Variants in GALNT9 observed in about 807,000 individuals in gnomAD.
The protein encoded by GALNT9 is GalNAc transferase 9.
GALNT9 carries 47 observed loss-of-function variants against 63.1 expected under a neutral mutation model. The ratio of observed to expected loss-of-function variants is 0.75; its 90% CI spans 0.59 to 0.95. The LOEUF (loss-of-function observed/expected upper bound fraction) is 0.95. Ranked by LOEUF, GALNT9 falls within the 40% of genes least tolerant of loss-of-function variation. The probability of loss-of-function intolerance (pLI) is 0.00; values close to 1 mark genes in which losing one functional copy is unlikely to be tolerated. For synonymous variants in GALNT9, 396 were observed against 365.7 expected, an observed-to-expected ratio of 1.08 and a Z score of -0.94; for missense variants, 829 against 874.8, an observed-to-expected ratio of 0.95 and a Z score of 0.66.
intron 1 of GALNT9, among the ~76,000 whole-genome samples, chr12:132,301,182 C>T (rs1881281226): frequency 6.6e-6 from 1 of 152,264 alleles, no homozygotes; most frequent in African/African-American, 2.4e-5. Context: ...AACTGCAAAG[C>T]TCTCAAAGAG....
At chr12:132,304,830 C>G (rs1388662658) in intron 1 of GALNT9, among the ~76,000 whole-genome samples, 32 of 45,320 alleles carry the variant, frequency 7.1e-4, no homozygotes, top group East Asian at 7.0e-3. Flanking sequence ...CCCGGGCACA[C>G]CCTCGCCCGG....
chr12:132,286,603 G>A lies in GALNT9; in HGVS notation c.239-173C>T. ...AGGACATTCCAGAAAGTGCAAGGCT[G>A]TGCGCGGAGTGAGAGGGCGGTGCCA... On this transcript the variant is annotated intron_variant, in intron 1 of 10. Coordinates refer to ENST00000328957, the MANE Select transcript of GALNT9 (RefSeq NM_001122636.2). This position sits in a 1 kb window ranked among gnomAD's most constrained non-coding sequence, Gnocchi z 7.4. The A allele has an allele frequency of 8.7e-7, 1 of 1,147,778 alleles. No homozygotes were observed. Among genetic ancestry groups the A allele is most frequent in the Non-Finnish European group, 1.2e-6 (1 of 842,558 alleles). 71.1% of individuals were successfully genotyped at this position (1,147,778 alleles called of 1,614,324 possible). A position where few individuals can be genotyped will look rare whatever the true frequency, so the allele number is the denominator to read the frequency against.
intron 1 of GALNT9, among the ~76,000 whole-genome samples, chr12:132,307,686 T>C (rs1327098912): frequency 2.4e-5 from 2 of 84,242 alleles, no homozygotes; most frequent in Non-Finnish European, 4.9e-5. Flanking sequence ...AAAAAAAAAA[T>C]AGTTGGGTGT....
intron 6 of GALNT9, among the ~76,000 whole-genome samples, chr12:132,222,801 A>G (rs1053842015): frequency 2.0e-5 from 3 of 150,482 alleles, no homozygotes; most frequent in African/African-American, 7.4e-5. Flanking sequence ...CTATGGACGC[A>G]CCCCCCGCCA....
chr12:132,257,611 C>T lies in GALNT9; in HGVS notation c.959+78G>A, dbSNP rs138851595. On this transcript the variant is annotated intron_variant, in intron 5 of 10. Coordinates refer to ENST00000328957, the MANE Select transcript of GALNT9 (RefSeq NM_001122636.2). ...TCGTCCCCGGCCCTCATCCCTGGCC[C>T]TCGTCCCCACGCCCGCCTCGCTCTG... is the stretch of plus-strand genomic sequence containing the variant. 563 of 1,177,462 alleles carry T rather than the reference C, an allele frequency of 4.8e-4. 5 individuals are homozygous for T. In the East Asian group the frequency reaches 0.014, roughly 29 times the overall value. The allele number at this position is 1,177,462 out of a possible 1,614,324, so 72.9% of individuals were successfully genotyped here. A position where few individuals can be genotyped will look rare whatever the true frequency, so the allele number is the denominator to read the frequency against.
At chr12:132,261,143 A>C (rs1555239757) in intron 3 of GALNT9, 21 bp from the exon 4 acceptor site, 1 of 1,548,020 alleles carries the variant, frequency 6.5e-7, no homozygotes, top group Non-Finnish European at 8.7e-7. Context: ...ACAAGACTTT[A>C]GCACGCTGGC....
At chr12:132,326,742 A>G (rs1469901718) in intron 1 of GALNT9, among the ~76,000 whole-genome samples, 5 of 152,174 alleles carry the variant, frequency 3.3e-5, no homozygotes, top group African/African-American at 9.7e-5. Context: ...CCAGGAATCA[A>G]TTTTGCATCC....
chr12:132,198,032 C>A, intron 9 of GALNT9, 73 bp from the exon 10 acceptor site: 7 of 1,303,066 alleles, frequency 5.4e-6, no homozygotes, highest in South Asian at 5.2e-5. Flanking sequence ...ACAGGCCGTG[C>A]GAGCTGCCTT....
Position 132,316,306 on chromosome 12 carries a change from C to T in GALNT9, c.238+12660G>A, listed in dbSNP as rs782301585. Reference sequence around the variant, plus strand: ...ACAGCCTGTGGGTTCTTCCCCAGCCCGACCCCACGTCCCCATTTCACGATG... The same window carrying T: ...ACAGCCTGTGGGTTCTTCCCCAGCCTGACCCCACGTCCCCATTTCACGATG... On this transcript the variant is annotated intron_variant, in intron 1 of 10. Coordinates refer to ENST00000328957, the MANE Select transcript of GALNT9 (RefSeq NM_001122636.2). This position sits in a 1 kb window ranked among gnomAD's most constrained non-coding sequence, Gnocchi z 4.3. Among the ~76,000 whole-genome samples the T allele has an allele frequency of 2.6e-5, 4 of 152,112 alleles. No homozygotes were observed. Among genetic ancestry groups the T allele is most frequent in the Non-Finnish European group, 5.9e-5 (4 of 68,018 alleles).
chr12:132,287,235 C>T (rs1489781907), intron 1 of GALNT9, among the ~76,000 whole-genome samples: 2 of 152,248 alleles, frequency 1.3e-5, no homozygotes, highest in East Asian at 3.8e-4. Context: ...CAGTCACACA[C>T]GTTCACGCCC....
intron 6 of GALNT9, among the ~76,000 whole-genome samples, chr12:132,213,704 T>C (rs886317646): frequency 1.3e-5 from 2 of 152,248 alleles, no homozygotes; most frequent in Admixed American, 6.5e-5. Context: ...TCAGCCCTCA[T>C]GTCCGAGGAG....
intron 8 of GALNT9, among the ~76,000 whole-genome samples, chr12:132,199,908 C>T (rs191301594): frequency 6.6e-6 from 1 of 152,340 alleles, no homozygotes; most frequent in East Asian, 1.9e-4. Flanking sequence ...GGGTTTGCAG[C>T]AGCAGCTGAC....
intron 5 of GALNT9, 135 bp from the exon 6 acceptor site, chr12:132,248,162 C>T: frequency 3.0e-6 from 4 of 1,345,660 alleles, no homozygotes; most frequent in Non-Finnish European, 3.9e-6. Flanking sequence ...ACTCAGGTCC[C>T]TGTGCTCAAG....
chr12:132,295,380 A>T (rs1303522443), intron 1 of GALNT9, among the ~76,000 whole-genome samples: 1 of 152,214 alleles, frequency 6.6e-6, no homozygotes, highest in Non-Finnish European at 1.5e-5. Flanking sequence ...TGTGGGTTGA[A>T]TTGTGTCCTC....
chr12:132,225,878 TACACACCAC>T (rs1877655832), intron 6 of GALNT9, among the ~76,000 whole-genome samples: 1 of 73,808 alleles, frequency 1.4e-5, no homozygotes, highest in African/African-American at 5.4e-5. Flanking sequence ...ACACCCCCCA[TACACACCAC>T]ACACCCCACA....
At chr12:132,220,238 G>A (rs73166871) in intron 6 of GALNT9, among the ~76,000 whole-genome samples, 4,218 of 152,262 alleles carry the variant, frequency 0.028, 81 homozygotes, top group Middle Eastern at 0.051. Context: ...CAGCCAGGAT[G>A]ACAGCAATAC....
chr12:132,329,365 C>A lies in GALNT9; in HGVS notation c.-162G>T. 9.1e-7 allele frequency: 1 copy of A among 1,100,522 alleles called. No homozygotes were observed. Among genetic ancestry groups the A allele is most frequent in the Non-Finnish European group, 1.2e-6 (1 of 838,446 alleles). 68.2% of individuals were successfully genotyped at this position (1,100,522 alleles called of 1,614,324 possible). A position where few individuals can be genotyped will look rare whatever the true frequency, so the allele number is the denominator to read the frequency against. On this transcript the variant is annotated 5_prime_UTR_variant, in exon 1 of 11. Transcript: ENST00000328957. ...TTCAGCACCAGCTCAGCGCGCCGGG[C>A]CACGGCCGCCGGGGGTCCCCCAGAG... is the stretch of plus-strand genomic sequence containing the variant.
At chr12:132,199,117 CGGGTGGCCT>C (rs1160471007) in intron 9 of GALNT9, 48 bp downstream of exon 9, 16 of 1,158,810 alleles carry the variant, frequency 1.4e-5, no homozygotes, top group Non-Finnish European at 1.9e-5. Flanking sequence ...GTGTAGGGTC[CGGGTGGCCT>C]GGGGTCGTCC....
intron 6 of GALNT9, among the ~76,000 whole-genome samples, chr12:132,219,548 G>T (rs1175035697): frequency 2.0e-5 from 3 of 152,194 alleles, no homozygotes; most frequent in Non-Finnish European, 4.4e-5. Flanking sequence ...ATGAACTCAG[G>T]GTGGGGACGA....
Sources: gnomAD v4.1 joint callset for allele counts (sites outside exome capture counted in the v4.1 genomes callset) on GRCh38, gnomAD v4.1.1 for gene constraint, Gnocchi (gnomAD v3.1) non-coding constraint, MANE v1.5 for transcripts, NCBI Gene and HGNC (gene_info 2026-07-23, HGNC 2026-07-21) for gene names.